The following CTNNA3 variants were observed in gnomAD, a reference collection of about 807,000 sequenced individuals.
The protein encoded by CTNNA3 is catenin alpha 3.
A neutral mutation model predicts 95.7 loss-of-function variants in CTNNA3; 76 were observed. The ratio of observed to expected loss-of-function variants is 0.79; its 90% CI spans 0.66 to 0.96. The LOEUF is 0.96. Ranked by LOEUF, CTNNA3 falls within the 40% of genes least tolerant of loss-of-function variation. CTNNA3 has a pLI of 0.00. For missense variants in CTNNA3, 1,191 were observed against 1,089.8 expected (o/e 1.09, Z -1.31); for synonymous variants, 431 against 374.4 (o/e 1.15, Z -1.74).
At chr10:66,570,062 C>T (rs1842823318) in intron 10 of CTNNA3, among the ~76,000 whole-genome samples, 1 of 152,080 alleles carries the variant, frequency 6.6e-6, no homozygotes, top group Non-Finnish European at 1.5e-5. Flanking sequence ...TCATCTCTTG[C>T]CTTTCCAAAA....
At chr10:67,241,087 C>T (rs1049469112) in intron 5 of CTNNA3, among the ~76,000 whole-genome samples, 7 of 152,168 alleles carry the variant, frequency 4.6e-5, no homozygotes, top group Non-Finnish European at 8.8e-5. Flanking sequence ...TCCATTGGTG[C>T]ATATGTTTCA....
At chr10:66,896,228 G>A (rs1845487764) in intron 7 of CTNNA3, among the ~76,000 whole-genome samples, 1 of 152,146 alleles carries the variant, frequency 6.6e-6, no homozygotes, top group Non-Finnish European at 1.5e-5. Context: ...TCCACAAAGA[G>A]TGCCATGACT....
chr10:67,097,472 A>C, intron 7 of CTNNA3: 1 of 842,760 alleles, frequency 1.2e-6, no homozygotes, highest in Non-Finnish European at 1.9e-6. Flanking sequence ...CCTGGGCCAC[A>C]GGGCCACAGA....
intron 4 of CTNNA3, among the ~76,000 whole-genome samples, chr10:67,537,803 T>C (rs1840532113): frequency 6.6e-6 from 1 of 152,176 alleles, no homozygotes; most frequent in Non-Finnish European, 1.5e-5. Flanking sequence ...TGTATTCAAA[T>C]ATGAGACAAA....
chr10:67,081,630 T>C lies in CTNNA3; in HGVS notation c.1047+98687A>G, dbSNP rs981566980. Among the ~76,000 whole-genome samples, 3 of 152,350 alleles carry C rather than the reference T, an allele frequency of 2.0e-5. No homozygotes were observed. The South Asian group carries it at 6.2e-4, about 32-fold the overall frequency. ...ATTTTGCTATGCCTGTATTCTCATA[T>C]GTATACCTGTCACTGTTGCTCCATA... On this transcript the variant is annotated intron_variant, in intron 7 of 17. Transcript: ENST00000433211.
chr10:67,359,591 G>T (rs368759510), intron 5 of CTNNA3, among the ~76,000 whole-genome samples: 9 of 152,182 alleles, frequency 5.9e-5, no homozygotes, highest in Admixed American at 2.6e-4. Context: ...AAATACAGTT[G>T]GAAGCTTCAA....
chr10:66,863,494 C>CAT (rs1844039718), intron 7 of CTNNA3, among the ~76,000 whole-genome samples: 1 of 151,874 alleles, frequency 6.6e-6, no homozygotes, highest in African/African-American at 2.4e-5. Context: ...AGTGAAAGTC[C>CAT]ATATATATTT....
intron 7 of CTNNA3, among the ~76,000 whole-genome samples, chr10:67,022,656 G>A (rs1367817017): frequency 2.0e-5 from 3 of 152,072 alleles, no homozygotes; most frequent in African/African-American, 4.8e-5. Flanking sequence ...ATACACTGAA[G>A]GCCGGGCACG....
intron 2 of CTNNA3, among the ~76,000 whole-genome samples, chr10:67,634,143 C>G (rs1839232447): frequency 6.6e-6 from 1 of 152,110 alleles, no homozygotes; most frequent in South Asian, 2.1e-4. Flanking sequence ...CAGTGGAAAC[C>G]CTACAAGGCA....
At chr10:67,206,332 G>T (rs1052277931) in intron 6 of CTNNA3, among the ~76,000 whole-genome samples, 7 of 152,026 alleles carry the variant, frequency 4.6e-5, no homozygotes, top group Non-Finnish European at 1.0e-4. Flanking sequence ...ATTGCCTGTG[G>T]TATATATCAC....
chr10:66,205,662 C>T (rs1279214983), intron 13 of CTNNA3, among the ~76,000 whole-genome samples: 1 of 151,906 alleles, frequency 6.6e-6, no homozygotes, highest in Non-Finnish European at 1.5e-5. Flanking sequence ...TTTATAAACA[C>T]ATTTGAAATA....
chr10:66,959,315 C>T lies in CTNNA3; in HGVS notation c.1048-183791G>A, dbSNP rs370468600. The stretch of plus-strand genomic sequence containing the variant: ...AATGCCTGGATTGATGATCAGGGAA[C>T]TCTTTGAGCTAGAAACCAAGACAGG... On this transcript the variant is annotated intron_variant, in intron 7 of 17. Coordinates refer to ENST00000433211, the MANE Select transcript of CTNNA3 (RefSeq NM_013266.4). Among the ~76,000 whole-genome samples the T allele has an allele frequency of 5.9e-5, 9 of 152,296 alleles. No homozygotes were observed. In the East Asian group the frequency reaches 1.3e-3, roughly 23 times the overall value.
At chr10:67,724,012 G>A (rs978547422) in intron 1 of CTNNA3, among the ~76,000 whole-genome samples, 2 of 152,110 alleles carry the variant, frequency 1.3e-5, no homozygotes, top group Non-Finnish European at 2.9e-5. Flanking sequence ...GAACTCTAAC[G>A]GACATTCAAC....
chr10:66,561,837 T>C (rs1218845232), intron 10 of CTNNA3, among the ~76,000 whole-genome samples: 1 of 152,100 alleles, frequency 6.6e-6, no homozygotes, highest in African/African-American at 2.4e-5. Context: ...GTTGTTTGCA[T>C]GATCTCAAAT....
intron 14 of CTNNA3, among the ~76,000 whole-genome samples, chr10:66,078,598 C>A (rs911553762): frequency 1.3e-5 from 2 of 151,894 alleles, no homozygotes; most frequent in African/African-American, 4.8e-5. Flanking sequence ...TAACACTCAA[C>A]TGAAATGCCC....
intron 3 of CTNNA3, among the ~76,000 whole-genome samples, chr10:67,554,732 T>C (rs1477240959): frequency 3.9e-5 from 6 of 152,236 alleles, no homozygotes; most frequent in Admixed American, 3.9e-4. Context: ...GTAGTTTCTT[T>C]TGCTGTGCAG....
intron 11 of CTNNA3, among the ~76,000 whole-genome samples, chr10:66,445,013 G>C (rs914330672): frequency 6.6e-6 from 1 of 151,830 alleles, no homozygotes; most frequent in Non-Finnish European, 1.5e-5. Flanking sequence ...AAAAAGGCAG[G>C]GGTCGCAATC....
At chr10:66,639,149 C>G (rs561084755) in intron 9 of CTNNA3, among the ~76,000 whole-genome samples, 16 of 151,808 alleles carry the variant, frequency 1.1e-4, no homozygotes, top group Admixed American at 9.2e-4. Context: ...GTTTTGGGAG[C>G]CACAAATTCA....
At chr10:66,478,952 T>C (rs566487395) in intron 11 of CTNNA3, among the ~76,000 whole-genome samples, 37 of 152,022 alleles carry the variant, frequency 2.4e-4, no homozygotes, top group African/African-American at 8.9e-4. Flanking sequence ...AGATAATAAT[T>C]CTTATGTCTG....
Sources: gnomAD v4.1 joint callset for allele counts (sites outside exome capture counted in the v4.1 genomes callset) on GRCh38, gnomAD v4.1.1 for gene constraint, MANE v1.5 for transcripts, NCBI Gene and HGNC (gene_info 2026-07-23, HGNC 2026-07-21) for gene names.